Variants in KATNAL1 observed in about 807,000 individuals in gnomAD.
KATNAL1 encodes katanin p60 ATPase-containing subunit A-like 1.
KATNAL1 carries 32 observed loss-of-function variants against 55.2 expected under a neutral mutation model. The ratio of observed to expected loss-of-function variants is 0.58; its 90% CI spans 0.44 to 0.78. KATNAL1 has a LOEUF of 0.78. Ranked by LOEUF, KATNAL1 falls within the 30% of genes least tolerant of loss-of-function variation. The pLI, the probability that KATNAL1 is intolerant of heterozygous loss-of-function variation, is 0.00. For missense variants in KATNAL1, 466 were observed against 600.9 expected, an observed-to-expected ratio of 0.78 and a Z score of 2.35; for synonymous variants, 193 against 193.6, an observed-to-expected ratio of 1.00 and a Z score of 0.02.
intron 9 of KATNAL1, among the ~76,000 whole-genome samples, chr13:30,219,895 A>G (rs1380954533): frequency 6.6e-6 from 1 of 152,182 alleles, no homozygotes; most frequent in Admixed American, 6.5e-5. Flanking sequence ...CTTTATACCA[A>G]TATAAAGTAT....
At position 30,208,617 on chromosome 13, in the gene KATNAL1, T is replaced by C; in HGVS notation, c.1396A>G (p.Lys466Glu). The change falls in exon 11 of 11, where the codon AAG becomes GAG. Residue 466 changes from lysine (K) to glutamate (E), a missense_variant. Physicochemically the swap from Lys to Glu is moderately conservative, Grantham distance 56. This residue lies in a region of KATNAL1 where 213 missense variants were observed against 308.6 expected (regional missense o/e 0.69). Transcript: ENST00000380615. Reference protein sequence around the residue: ...VTKGDFELALKKIAKSVSAAD... With the variant: ...VTKGDFELALEKIAKSVSAAD... The stretch of plus-strand genomic sequence containing the variant: ...GCAGAGACAGACTTAGCAATTTTCT[T>C]TAGGGCCAATTCAAAGTCTCCTTTG... 1 of 1,613,874 alleles carries C rather than the reference T, an allele frequency of 6.2e-7. No individual in the cohort carries two copies. Among genetic ancestry groups the C allele is most frequent in the Non-Finnish European group, 8.5e-7 (1 of 1,179,914 alleles).
intron 9 of KATNAL1, among the ~76,000 whole-genome samples, chr13:30,212,747 T>C (rs149181781): frequency 1.5e-4 from 23 of 152,298 alleles, no homozygotes; most frequent in Middle Eastern, 3.4e-3. Flanking sequence ...AAGAAATAAT[T>C]AAAATGTCCA....
intron 3 of KATNAL1, among the ~76,000 whole-genome samples, chr13:30,265,987 G>T (rs1345592011): frequency 7.1e-6 from 1 of 141,214 alleles, no homozygotes; most frequent in Non-Finnish European, 1.5e-5. Flanking sequence ...ACTCCAGCCT[G>T]GGCAAGATGA....
chr13:30,209,403 G>C (rs1197439714), intron 10 of KATNAL1, among the ~76,000 whole-genome samples: 1 of 152,170 alleles, frequency 6.6e-6, no homozygotes, highest in Non-Finnish European at 1.5e-5. Context: ...GTAGCAGTAG[G>C]AACTATTGCA....
chr13:30,236,548 T>C (rs1032329639), intron 6 of KATNAL1, among the ~76,000 whole-genome samples: 4 of 152,226 alleles, frequency 2.6e-5, no homozygotes, highest in Admixed American at 6.5e-5. Context: ...TTTGTCCTCA[T>C]TGTTTGGCTA....
At chr13:30,212,080 C>T (rs956911616) in intron 9 of KATNAL1, among the ~76,000 whole-genome samples, 3 of 152,160 alleles carry the variant, frequency 2.0e-5, no homozygotes, top group Non-Finnish European at 4.4e-5. Flanking sequence ...AGATATATTA[C>T]ATCTAAATGC....
chr13:30,223,441 C>CA (rs34451447), intron 9 of KATNAL1, among the ~76,000 whole-genome samples: 16 of 48,782 alleles, frequency 3.3e-4, no homozygotes, highest in East Asian at 1.8e-3. Context: ...GACTCCATCT[C>CA]AAAAAAAAAA....
intron 3 of KATNAL1, among the ~76,000 whole-genome samples, chr13:30,267,587 T>G (rs1023506647): frequency 6.6e-6 from 1 of 152,132 alleles, no homozygotes; most frequent in South Asian, 2.1e-4. Flanking sequence ...AGAAAACAAA[T>G]TGTAAGATAA....
Position 30,266,496 on chromosome 13 carries a change from T to C in KATNAL1, c.324-10881A>G, listed in dbSNP as rs116206646. ...AATTAAGTTTACAAATAAGATAATATTAAATTTCTCCTAAGAGTTCCAATA... is the reference window on the plus strand; with the variant it reads ...AATTAAGTTTACAAATAAGATAATACTAAATTTCTCCTAAGAGTTCCAATA... On this transcript the variant is annotated intron_variant, in intron 3 of 10. Coordinates refer to ENST00000380615, the MANE Select transcript of KATNAL1 (RefSeq NM_032116.5). 3.1e-3 allele frequency among the ~76,000 whole-genome samples: 471 copies of C among 152,296 alleles called. 2 individuals are homozygous for C. The highest frequency in any genetic ancestry group is 0.011 in the African/African-American group (450 of 41,554).
rs2137424831 is a variant in KATNAL1 at position 30,241,035 on chromosome 13, C to T, written c.544G>A (p.Asp182Asn). The change falls in exon 5 of 11, where the codon GAT (aspartate) becomes AAT (asparagine). Residue 182 changes from aspartate to asparagine, a missense_variant. Transcript: ENST00000380615. ...AGATCCTTATCATAACCAGCACCATCAAATTTTGGCATTTCACCATCACTT... is the reference window on the plus strand; with the variant it reads ...AGATCCTTATCATAACCAGCACCATTAAATTTTGGCATTTCACCATCACTT... ...GASDGEMPKF[D>N]GAGYDKDLVE... The T allele has an allele frequency of 6.2e-7, 1 of 1,613,700 alleles. No individual in the cohort carries two copies. Among genetic ancestry groups the T allele is most frequent in the Non-Finnish European group, 8.5e-7 (1 of 1,179,838 alleles).
intron 3 of KATNAL1, among the ~76,000 whole-genome samples, chr13:30,279,099 G>A (rs924533182): frequency 3.3e-5 from 5 of 152,126 alleles, no homozygotes; most frequent in African/African-American, 1.2e-4. Context: ...TTTCTACGGT[G>A]CAATACTCTG....
At chr13:30,215,866 G>A (rs1416488773) in intron 9 of KATNAL1, among the ~76,000 whole-genome samples, 1 of 152,040 alleles carries the variant, frequency 6.6e-6, no homozygotes, top group African/African-American at 2.4e-5. Context: ...CATGGCACAT[G>A]TATACATATG....
chr13:30,230,077 A>G (rs1025405507), intron 8 of KATNAL1, among the ~76,000 whole-genome samples: 1 of 151,716 alleles, frequency 6.6e-6, no homozygotes, highest in Non-Finnish European at 1.5e-5. Context: ...CGAAAACTCT[A>G]CTGTACACTT....
chr13:30,263,209 G>A lies in KATNAL1; in HGVS notation c.324-7594C>T, dbSNP rs192356339. On this transcript the variant is annotated intron_variant, in intron 3 of 10. Transcript: ENST00000380615. ...AACTCTCAATAAATTAGGTATTGAT[G>A]GGACGTATCTCAAAATAATAAGAGC... is the stretch of plus-strand genomic sequence containing the variant. 2.0e-4 allele frequency among the ~76,000 whole-genome samples: 30 copies of A among 152,254 alleles called. No homozygotes were observed. In the East Asian group the frequency reaches 5.8e-3, roughly 29 times the overall value.
chr13:30,237,458 A>G (rs539087511), intron 6 of KATNAL1, among the ~76,000 whole-genome samples: 1 of 152,322 alleles, frequency 6.6e-6, no homozygotes, highest in Admixed American at 6.5e-5. Context: ...TATATACTTC[A>G]GCACTGAAAA....
At chr13:30,290,457 G>A (rs1882062207) in intron 1 of KATNAL1, among the ~76,000 whole-genome samples, 1 of 152,198 alleles carries the variant, frequency 6.6e-6, no homozygotes, top group Admixed American at 6.5e-5. Flanking sequence ...ACCAAAGCTT[G>A]CCCAAGAAGA....
At chr13:30,277,047 A>G (rs1488153757) in intron 3 of KATNAL1, among the ~76,000 whole-genome samples, 1 of 152,214 alleles carries the variant, frequency 6.6e-6, no homozygotes, top group Admixed American at 6.5e-5. Flanking sequence ...ATTATTAGCT[A>G]TCATCCTTTC....
At chr13:30,277,643 T>G (rs1302133423) in intron 3 of KATNAL1, among the ~76,000 whole-genome samples, 6 of 152,230 alleles carry the variant, frequency 3.9e-5, no homozygotes, top group Non-Finnish European at 8.8e-5. Context: ...AATCTGAATA[T>G]TTATTTTATC....
intron 1 of KATNAL1, among the ~76,000 whole-genome samples, chr13:30,286,951 C>T (rs1037019210): frequency 6.6e-5 from 10 of 152,174 alleles, no homozygotes; most frequent in African/African-American, 2.4e-4. Flanking sequence ...AACTGCATGG[C>T]CTATATCCCT....
Sources: gnomAD v4.1 joint callset for allele counts (sites outside exome capture counted in the v4.1 genomes callset) on GRCh38, gnomAD v4.1.1 for gene constraint, gnomAD v4.1.1 regional missense constraint, MANE v1.5 for transcripts, NCBI Gene and HGNC (gene_info 2026-07-23, HGNC 2026-07-21) for gene names.